Variants in RTL4 observed in about 807,000 individuals in gnomAD.
The protein encoded by RTL4 is retrotransposon Gag like 4.
A neutral mutation model predicts 5.3 loss-of-function variants in RTL4; 4 were observed. The observed-to-expected ratio is 0.75, with a 90% CI of 0.37 to 1.72. The LOEUF is 1.72. Among genes scored for constraint, RTL4 ranks in the 40% most tolerant of loss-of-function variants. RTL4 has a pLI of 0.04. For synonymous variants in RTL4, 98 were observed against 87.3 expected (o/e 1.12, Z -0.68); for missense variants, 260 against 227.1 (o/e 1.14, Z -0.93).
the RTL4 span, among the ~76,000 whole-genome samples, chrX:112,165,331 C>A: frequency 8.9e-6 from 1 of 111,985 alleles, no homozygotes; most frequent in African/African-American, 3.2e-5. Context: ...CAGTAAAATG[C>A]CAAAAGAAAT....
At chrX:112,299,218 C>T in the RTL4 span, among the ~76,000 whole-genome samples, 7 of 111,729 alleles carry the variant, frequency 6.3e-5, no homozygotes, top group Non-Finnish European at 1.3e-4. Context: ...TATAACAGGG[C>T]AGCCATAGTC....
At chrX:112,261,277 G>T in the RTL4 span, among the ~76,000 whole-genome samples, 1 of 111,628 alleles carries the variant, frequency 9.0e-6, no homozygotes. Context: ...AGACATGATT[G>T]TATATTTAGA....
chrX:112,343,138 T>G, the RTL4 span, among the ~76,000 whole-genome samples: 2 of 112,295 alleles, frequency 1.8e-5, no homozygotes, highest in East Asian at 5.6e-4. Flanking sequence ...GTCTGTCTAT[T>G]ATCATACTGC....
chrX:112,344,978 TACTC>T, the RTL4 span, among the ~76,000 whole-genome samples: 1 of 111,378 alleles, frequency 9.0e-6, no homozygotes, highest in Non-Finnish European at 1.9e-5. Context: ...TCGTGAGACT[TACTC>T]ACTACTGCAA....
the RTL4 span, chrX:112,319,916 T>A: frequency 8.9e-6 from 1 of 112,551 alleles, no homozygotes; most frequent in Non-Finnish European, 1.9e-5. Context: ...ACTGATTCGT[T>A]CTTTGCAGAA....
chrX:112,201,079 C>T, the RTL4 span, among the ~76,000 whole-genome samples: 1 of 111,414 alleles, frequency 9.0e-6, no homozygotes, highest in Admixed American at 9.5e-5. Flanking sequence ...GAGACCTGAG[C>T]AAACTTACAA....
At chrX:112,428,243 A>G in the RTL4 span, among the ~76,000 whole-genome samples, 5 of 111,994 alleles carry the variant, frequency 4.5e-5, no homozygotes, top group East Asian at 1.1e-3. Flanking sequence ...GTGCACATTC[A>G]TCTTTTTCAT....
At chrX:112,259,487 A>T in the RTL4 span, among the ~76,000 whole-genome samples, 2 of 110,553 alleles carry the variant, frequency 1.8e-5, no homozygotes, top group African/African-American at 6.5e-5. Flanking sequence ...AAATACAATT[A>T]GGTTGGGTGA....
At chrX:112,110,508 G>C in the RTL4 span, among the ~76,000 whole-genome samples, 1 of 111,463 alleles carries the variant, frequency 9.0e-6, no homozygotes, top group Non-Finnish European at 1.9e-5. Context: ...GGCACTGATA[G>C]GGTCTGATTA....
At chrX:112,225,349 G>C in the RTL4 span, among the ~76,000 whole-genome samples, 1 of 111,944 alleles carries the variant, frequency 8.9e-6, no homozygotes, top group East Asian at 2.8e-4. Flanking sequence ...AAATGGCCCT[G>C]CCTAAATGGT....
At chrX:112,219,610 A>C in the RTL4 span, among the ~76,000 whole-genome samples, 1 of 112,320 alleles carries the variant, frequency 8.9e-6, no homozygotes, top group Non-Finnish European at 1.9e-5. Flanking sequence ...AAACAAAGCA[A>C]AACAAACCAA....
At chrX:112,242,731 T>A in the RTL4 span, among the ~76,000 whole-genome samples, 1 of 111,693 alleles carries the variant, frequency 9.0e-6, no homozygotes, top group Admixed American at 9.5e-5. Context: ...TCCAACACCA[T>A]GTTGAATAGG....
chrX:112,439,255 T>C, the RTL4 span, among the ~76,000 whole-genome samples: 1 of 111,579 alleles, frequency 9.0e-6, no homozygotes, highest in East Asian at 2.8e-4. Context: ...ATGGTGACAG[T>C]AATGGCCAAT....
the RTL4 span, among the ~76,000 whole-genome samples, chrX:112,357,528 A>T: frequency 8.9e-6 from 1 of 112,056 alleles, no homozygotes; most frequent in African/African-American, 3.2e-5. Context: ...AACCAAAAAG[A>T]TCAAAACAAA....
chrX:112,438,860 G>T, the RTL4 span, among the ~76,000 whole-genome samples: 1 of 112,100 alleles, frequency 8.9e-6, no homozygotes, highest in East Asian at 2.8e-4. Context: ...AAGCTGAATT[G>T]AGAGCTTGTT....
At chrX:112,114,718 T>G in the RTL4 span, among the ~76,000 whole-genome samples, 1 of 111,102 alleles carries the variant, frequency 9.0e-6, no homozygotes, top group Middle Eastern at 4.2e-3. Context: ...AGGAGGAGTA[T>G]CATCAATAGG....
At chrX:112,287,487 G>T in the RTL4 span, among the ~76,000 whole-genome samples, 1 of 111,700 alleles carries the variant, frequency 9.0e-6, no homozygotes, top group Non-Finnish European at 1.9e-5. Flanking sequence ...AATCTTGGAC[G>T]TATTCATTGA....
chrX:112,114,620 G>C, the RTL4 span, among the ~76,000 whole-genome samples: 1 of 111,400 alleles, frequency 9.0e-6, no homozygotes, highest in Non-Finnish European at 1.9e-5. Flanking sequence ...TCCCCCTACA[G>C]CTTGAAGGGG....
the RTL4 span, among the ~76,000 whole-genome samples, chrX:112,306,332 T>G: frequency 1.8e-5 from 2 of 111,797 alleles, no homozygotes; most frequent in East Asian, 5.6e-4. Context: ...TGTGTGACAA[T>G]TGAGTAACTG....
Sources: gnomAD v4.1 joint callset for allele counts (sites outside exome capture counted in the v4.1 genomes callset) on GRCh38, gnomAD v4.1.1 for gene constraint, MANE v1.5 for transcripts, NCBI Gene and HGNC (gene_info 2026-07-23, HGNC 2026-07-21) for gene names.